The following TRPM3 variants were observed in gnomAD, a reference collection of about 807,000 sequenced individuals.
The protein encoded by TRPM3 is transient receptor potential cation channel subfamily M member 3.
In TRPM3, 77 loss-of-function variants were observed where a neutral mutation model predicts 181.2. The ratio of observed to expected loss-of-function variants is 0.42; its 90% CI spans 0.35 to 0.51. TRPM3 has a LOEUF of 0.51. Ranked by LOEUF, TRPM3 falls within the 20% of genes least tolerant of loss-of-function variation. TRPM3 has a pLI of 0.01. For missense variants in TRPM3, 1,759 were observed against 2,196.7 expected, an observed-to-expected ratio of 0.80 and a Z score of 3.98; for synonymous variants, 745 against 796.4, an observed-to-expected ratio of 0.94 and a Z score of 1.09.
chr9:70,998,552 T>C (rs1369911363), intron 1 of TRPM3, among the ~76,000 whole-genome samples: 2 of 152,296 alleles, frequency 1.3e-5, no homozygotes, highest in Non-Finnish European at 2.9e-5. Flanking sequence ...GTGTACACTC[T>C]GTGGGTTTAG....
At chr9:71,177,350 T>G (rs1278594645) in intron 1 of TRPM3, among the ~76,000 whole-genome samples, 1 of 151,930 alleles carries the variant, frequency 6.6e-6, no homozygotes, top group Non-Finnish European at 1.5e-5. Flanking sequence ...CCCAAAACCA[T>G]CCCTGCCCCC....
intron 1 of TRPM3, among the ~76,000 whole-genome samples, chr9:71,177,174 C>T (rs1261912595): frequency 2.0e-5 from 3 of 152,054 alleles, no homozygotes; most frequent in African/African-American, 4.8e-5. Context: ...GCCTTGTGAT[C>T]GGTTTTTGTC....
intron 1 of TRPM3, among the ~76,000 whole-genome samples, chr9:70,900,937 C>T (rs2096376354): frequency 6.6e-6 from 1 of 152,222 alleles, no homozygotes; most frequent in Non-Finnish European, 1.5e-5. Flanking sequence ...TTACAAAGTG[C>T]TTTCAAAACT....
At chr9:71,276,077 G>A (rs972544146) in intron 1 of TRPM3, among the ~76,000 whole-genome samples, 2 of 152,040 alleles carry the variant, frequency 1.3e-5, no homozygotes, top group African/African-American at 2.4e-5. Context: ...TCCTGACCTC[G>A]TGATCCACCT....
intron 1 of TRPM3, among the ~76,000 whole-genome samples, chr9:70,960,262 A>T (rs867428898): frequency 5.9e-5 from 9 of 152,128 alleles, no homozygotes; most frequent in South Asian, 2.1e-4. Flanking sequence ...AAAACAACAG[A>T]GAGGAGAGTT....
chr9:70,738,379 C>T (rs995188041), intron 8 of TRPM3, among the ~76,000 whole-genome samples: 2 of 151,862 alleles, frequency 1.3e-5, no homozygotes, highest in African/African-American at 2.4e-5. Flanking sequence ...GCACATGTAC[C>T]CTAAAACTTA....
At chr9:70,683,271 G>A (rs1299121834) in intron 8 of TRPM3, among the ~76,000 whole-genome samples, 1 of 151,974 alleles carries the variant, frequency 6.6e-6, no homozygotes, top group Non-Finnish European at 1.5e-5. Context: ...TCAGGCTGGA[G>A]TACAGTGGTA....
At chr9:71,403,571 T>C (rs2093381833) in intron 1 of TRPM3, among the ~76,000 whole-genome samples, 2 of 152,214 alleles carry the variant, frequency 1.3e-5, no homozygotes, top group South Asian at 4.1e-4. Context: ...TATCTCACAT[T>C]TTCGTTGACG....
Position 70,630,276 on chromosome 9 carries a change from T to G in TRPM3, c.1633-4759A>C, listed in dbSNP as rs1262420727. ...GGCTTGGACACAATAACTTCTAAGA[T>G]TCTGTCTATTTCTAAAAATCCAACT... On this transcript the variant is annotated intron_variant, in intron 12 of 25. Coordinates refer to ENST00000677713, the MANE Select transcript of TRPM3 (RefSeq NM_001366145.2). 2.6e-5 allele frequency among the ~76,000 whole-genome samples: 4 copies of G among 152,296 alleles called. No homozygotes were observed. The East Asian group carries it at 5.8e-4, about 22-fold the overall frequency.
intron 1 of TRPM3, among the ~76,000 whole-genome samples, chr9:71,138,957 A>G (rs1306163450): frequency 1.8e-4 from 28 of 152,204 alleles, no homozygotes. Context: ...GCTTGTATAA[A>G]GAATGCCTCA....
chr9:71,121,619 A>G lies in TRPM3; in HGVS notation c.-265T>C. 8.2e-7 allele frequency: 1 copy of G among 1,219,870 alleles called. No individual in the cohort carries two copies. The highest frequency in any genetic ancestry group is 1.0e-6 in the Non-Finnish European group (1 of 978,016). The allele number at this position is 1,219,870 out of a possible 1,614,324, so 75.6% of individuals were successfully genotyped here. ...TCGGAGTCAAAGCAGCCTGCTCCAG[A>G]ATGCGCGCTCCCTCTCCCGCTCTCC... On this transcript the variant is annotated 5_prime_UTR_variant, in exon 1 of 26. Transcript: ENST00000677713.
At chr9:70,624,555 A>G (rs2064181246) in intron 14 of TRPM3, among the ~76,000 whole-genome samples, 1 of 152,216 alleles carries the variant, frequency 6.6e-6, no homozygotes, top group Non-Finnish European at 1.5e-5. Context: ...TTGGTGTAGT[A>G]TCAAAAAAAT....
intron 1 of TRPM3, among the ~76,000 whole-genome samples, chr9:71,153,379 C>T (rs1452475230): frequency 6.6e-6 from 1 of 151,240 alleles, no homozygotes; most frequent in Non-Finnish European, 1.5e-5. Flanking sequence ...GCAACCTAGC[C>T]TCCTGGGTTC....
chr9:71,067,840 C>T (rs2062137844), intron 1 of TRPM3, among the ~76,000 whole-genome samples: 1 of 152,058 alleles, frequency 6.6e-6, no homozygotes. Flanking sequence ...ATGTTTTGGC[C>T]CTGTCTCTGC....
intron 8 of TRPM3, among the ~76,000 whole-genome samples, chr9:70,754,771 T>C (rs7849151): frequency 0.2 from 30,017 of 152,082 alleles, 4,245 homozygotes; most frequent in African/African-American, 0.4. Context: ...CAAAAGAAAC[T>C]TGAAGGATAC....
At chr9:70,832,342 A>C (rs1008567918) in intron 5 of TRPM3, among the ~76,000 whole-genome samples, 3 of 152,148 alleles carry the variant, frequency 2.0e-5, no homozygotes, top group Non-Finnish European at 4.4e-5. Context: ...TTGCTTAGAA[A>C]TGGATTTTAG....
At chr9:70,561,863 A>T in intron 22 of TRPM3, among the ~76,000 whole-genome samples, 1 of 152,212 alleles carries the variant, frequency 6.6e-6, no homozygotes, top group East Asian at 1.9e-4. Flanking sequence ...ATAGTAAGGG[A>T]TGACACTGTC....
intron 1 of TRPM3, among the ~76,000 whole-genome samples, chr9:71,353,300 G>A (rs966997186): frequency 2.8e-4 from 43 of 152,118 alleles, no homozygotes; most frequent in Non-Finnish European, 7.3e-5. Flanking sequence ...GTGGAGGCAG[G>A]AACTGGACTT....
Position 70,955,053 on chromosome 9 carries a change from C to T in TRPM3, c.178-90542G>A, listed in dbSNP as rs546042308. On this transcript the variant is annotated intron_variant, in intron 1 of 25. Coordinates refer to ENST00000677713, the MANE Select transcript of TRPM3 (RefSeq NM_001366145.2). Reference sequence around the variant, plus strand: ...AGCTATAGCTTCTGTGTATTTCCTGCGTTTTCAGAGTTCTTGAAACTTGAA... The same window carrying T: ...AGCTATAGCTTCTGTGTATTTCCTGTGTTTTCAGAGTTCTTGAAACTTGAA... Among the ~76,000 whole-genome samples, 76 of 152,232 alleles carry T rather than the reference C, an allele frequency of 5.0e-4. No homozygotes were observed. In the South Asian group the frequency reaches 0.013, roughly 26 times the overall value.
Sources: allele counts gnomAD v4.1 joint callset (sites outside exome capture counted in the v4.1 genomes callset), GRCh38; gene constraint gnomAD v4.1.1; transcripts MANE v1.5; gene names NCBI Gene and HGNC (gene_info 2026-07-23, HGNC 2026-07-21).